The following ANO3 variants were observed in gnomAD, a reference collection of about 807,000 sequenced individuals.
The protein encoded by ANO3 is anoctamin-3.
ANO3 carries 99 observed loss-of-function variants against 144.8 expected under a neutral mutation model. The observed-to-expected ratio is 0.68, with a 90% CI of 0.58 to 0.81. ANO3 has a LOEUF of 0.81. ANO3 is among the 30% of genes least tolerant of loss of function. The probability of loss-of-function intolerance (pLI) is 0.00; values close to 1 mark genes in which losing one functional copy is unlikely to be tolerated. For missense variants in ANO3, 905 were observed against 1,202.2 expected (o/e 0.75, Z 3.66); for synonymous variants, 414 against 392.6 (o/e 1.05, Z -0.64).
intron 11 of ANO3, among the ~76,000 whole-genome samples, chr11:26,544,249 TAC>T (rs746053289): frequency 0.094 from 5,022 of 53,534 alleles, 402 homozygotes; most frequent in Non-Finnish European, 0.11. Context: ...TATTTCATTA[TAC>T]ATATATATAT....
intron 24 of ANO3, among the ~76,000 whole-genome samples, chr11:26,651,184 T>A (rs1487916872): frequency 3.9e-5 from 6 of 152,196 alleles, no homozygotes; most frequent in African/African-American, 1.4e-4. Flanking sequence ...AAATAACCCA[T>A]ATTTGATGTT....
intron 17 of ANO3, among the ~76,000 whole-genome samples, chr11:26,603,670 AC>A (rs1278474649): frequency 1.3e-5 from 1 of 77,448 alleles, no homozygotes; most frequent in Admixed American, 1.1e-4. Context: ...GAATACACAT[AC>A]AGTCTCCTGG....
In ANO3 at chr11:26,452,482, G is replaced by A. The variant is rs554950928; in HGVS notation, c.313+8646G>A. On this transcript the variant is annotated intron_variant, in intron 3 of 26. Transcript: ENST00000256737. ...ATCAACTGGAAGAAAGGGTATCAGT[G>A]ATAGAAGATGAAACGAATGAAATGA... is the stretch of plus-strand genomic sequence containing the variant. Among the ~76,000 whole-genome samples, 32 of 152,326 alleles carry A rather than the reference G, an allele frequency of 2.1e-4. No homozygotes were observed. The South Asian group carries it at 6.6e-3, about 32-fold the overall frequency.
chr11:26,412,003 A>G (rs1857446118), intron 1 of ANO3, among the ~76,000 whole-genome samples: 1 of 152,056 alleles, frequency 6.6e-6, no homozygotes, highest in African/African-American at 2.4e-5. Context: ...GTAGACATCA[A>G]ATCAATCATT....
intron 14 of ANO3, among the ~76,000 whole-genome samples, chr11:26,595,152 G>A (rs1851572543): frequency 1.3e-5 from 2 of 152,176 alleles, no homozygotes; most frequent in African/African-American, 4.8e-5. Flanking sequence ...TCCAGGGTGT[G>A]TAACCAACCA....
chr11:26,250,524 C>T (rs1278331533), intron 1 of ANO3, among the ~76,000 whole-genome samples: 3 of 152,034 alleles, frequency 2.0e-5, no homozygotes, highest in African/African-American at 2.4e-5. Context: ...GTCAGTGAGC[C>T]GATTTTATGC....
At chr11:26,272,320 C>T (rs1853457607) in intron 1 of ANO3, among the ~76,000 whole-genome samples, 1 of 151,802 alleles carries the variant, frequency 6.6e-6, no homozygotes, top group Non-Finnish European at 1.5e-5. Context: ...AACTGCCTGC[C>T]ATTTCGAAAC....
intron 17 of ANO3, among the ~76,000 whole-genome samples, chr11:26,618,302 CT>C (rs1173891585): frequency 1.3e-5 from 2 of 151,710 alleles, no homozygotes; most frequent in African/African-American, 4.8e-5. Flanking sequence ...TTACTTATTT[CT>C]TTTATCTCCT....
At chr11:26,272,455 C>T (rs995935666) in intron 1 of ANO3, among the ~76,000 whole-genome samples, 1 of 152,102 alleles carries the variant, frequency 6.6e-6, no homozygotes, top group Non-Finnish European at 1.5e-5. Flanking sequence ...TAAGTGCAGC[C>T]TTTACGTGAC....
chr11:26,282,600 T>C (rs1853704705), intron 1 of ANO3, among the ~76,000 whole-genome samples: 1 of 152,130 alleles, frequency 6.6e-6, no homozygotes, highest in African/African-American at 2.4e-5. Flanking sequence ...ACTGTTGGAA[T>C]TGTGTAGGCC....
At chr11:26,316,499 C>A (rs554551629) in intron 1 of ANO3, among the ~76,000 whole-genome samples, 22 of 152,266 alleles carry the variant, frequency 1.4e-4, no homozygotes, top group Admixed American at 6.5e-4. Context: ...TATCCATAAG[C>A]TATTTTTAGT....
chr11:26,530,134 T>C (rs7122642), intron 7 of ANO3, among the ~76,000 whole-genome samples: 84,004 of 151,968 alleles, frequency 0.55, 24,104 homozygotes, highest in East Asian at 0.79. Flanking sequence ...TTTGCCTCAG[T>C]GTTCCACATT....
At chr11:26,458,846 G>C (rs969074881) in intron 3 of ANO3, among the ~76,000 whole-genome samples, 3 of 152,064 alleles carry the variant, frequency 2.0e-5, no homozygotes. Context: ...TTCAATGCCC[G>C]ATGTTGATGT....
At chr11:26,356,771 G>A (rs567484511) in intron 1 of ANO3, among the ~76,000 whole-genome samples, 121 of 152,274 alleles carry the variant, frequency 7.9e-4, no homozygotes, top group Non-Finnish European at 1.4e-3. Context: ...GCTCTAAGGG[G>A]AGAATCCATT....
At chr11:26,570,119 T>C (rs977174882) in intron 14 of ANO3, among the ~76,000 whole-genome samples, 5 of 152,136 alleles carry the variant, frequency 3.3e-5, no homozygotes, top group African/African-American at 9.7e-5. Flanking sequence ...TAAACTTTCC[T>C]GTATATATTA....
intron 1 of ANO3, among the ~76,000 whole-genome samples, chr11:26,432,705 TG>T (rs918469904): frequency 7.4e-4 from 112 of 152,236 alleles, no homozygotes; most frequent in African/African-American, 2.6e-3. Flanking sequence ...GAAGATCAGA[TG>T]GTTGTAGGTT....
At chr11:26,404,933 A>ATATGTGTG (rs1224434117) in intron 1 of ANO3, among the ~76,000 whole-genome samples, 3 of 146,174 alleles carry the variant, frequency 2.1e-5, no homozygotes, top group African/African-American at 7.7e-5. Flanking sequence ...ATTTATATAT[A>ATATGTGTG]TGTGTGTGTG....
intron 26 of ANO3, among the ~76,000 whole-genome samples, chr11:26,657,148 G>T (rs1312800305): frequency 6.6e-6 from 1 of 152,084 alleles, no homozygotes; most frequent in Non-Finnish European, 1.5e-5. Context: ...AAATGAATCT[G>T]TTTTATATGG....
chr11:26,480,454 T>C (rs1860165480), intron 4 of ANO3, among the ~76,000 whole-genome samples: 1 of 152,156 alleles, frequency 6.6e-6, no homozygotes, highest in Admixed American at 6.6e-5. Context: ...TCGGCTGTGG[T>C]CTTTTATGTA....
Sources: gnomAD v4.1 joint callset for allele counts (sites outside exome capture counted in the v4.1 genomes callset) on GRCh38, gnomAD v4.1.1 for gene constraint, MANE v1.5 for transcripts, NCBI Gene and HGNC (gene_info 2026-07-23, HGNC 2026-07-21) for gene names.